The following RHOBTB1 variants were observed in gnomAD, a reference collection of about 807,000 sequenced individuals.
The protein encoded by RHOBTB1 is Rho related BTB domain containing 1, also known as rho-related BTB domain-containing protein 1.
RHOBTB1 carries 40 observed loss-of-function variants against 71.6 expected under a neutral mutation model. That is an observed-to-expected ratio of 0.56 (90% CI 0.43 to 0.73). RHOBTB1 has a LOEUF of 0.73. RHOBTB1 is among the 30% of genes least tolerant of loss of function. RHOBTB1 has a pLI of 0.00. For synonymous variants in RHOBTB1, 319 were observed against 334.9 expected (o/e 0.95, Z 0.52); for missense variants, 797 against 894.0 (o/e 0.89, Z 1.38).
rs186627057 is a variant in RHOBTB1, at chr10:60,882,736, G to T, written c.1575+3376C>A. Among the ~76,000 whole-genome samples, 227 of 152,216 alleles carry T rather than the reference G, an allele frequency of 1.5e-3. 4 individuals carry two copies. The highest frequency in any genetic ancestry group is 5.1e-3 in the African/African-American group (213 of 41,544). On this transcript the variant is annotated intron_variant, in intron 7 of 10. Coordinates refer to ENST00000337910, the MANE Select transcript of RHOBTB1 (RefSeq NM_014836.5). Reference sequence around the variant, plus strand: ...AACATGGACCTATGTTAATCATGGAGCATTAACTGAGTGCCTTTCCCCTAC... The same window carrying T: ...AACATGGACCTATGTTAATCATGGATCATTAACTGAGTGCCTTTCCCCTAC...
At chr10:60,878,546 A>G (rs144460027) in intron 7 of RHOBTB1, among the ~76,000 whole-genome samples, 3 of 152,358 alleles carry the variant, frequency 2.0e-5, no homozygotes, top group Non-Finnish European at 4.4e-5. Flanking sequence ...TTCTGTCAGT[A>G]TATGCACAAT....
intron 4 of RHOBTB1, among the ~76,000 whole-genome samples, chr10:60,907,383 G>A (rs142229647): frequency 2.2e-4 from 34 of 152,280 alleles, no homozygotes; most frequent in Admixed American, 1.5e-3. Flanking sequence ...AAGAAGAGGC[G>A]CTTTCCTTGC....
At chr10:60,932,657 C>G (rs1347578008) in intron 2 of RHOBTB1, among the ~76,000 whole-genome samples, 6 of 151,736 alleles carry the variant, frequency 4.0e-5, no homozygotes, top group Non-Finnish European at 5.9e-5. Flanking sequence ...TTGGTCAAGT[C>G]TTTAGAGATG....
intron 4 of RHOBTB1, among the ~76,000 whole-genome samples, chr10:60,895,732 T>C (rs2082133372): frequency 6.6e-6 from 1 of 152,274 alleles, no homozygotes. Context: ...ATCACAATGC[T>C]TAAATGTCTT....
chr10:60,985,635 A>G (rs2134868343), intron 2 of RHOBTB1, among the ~76,000 whole-genome samples: 1 of 152,342 alleles, frequency 6.6e-6, no homozygotes. Context: ...CAAATTCTAA[A>G]CCAGATAAAA....
At chr10:60,958,209 A>C (rs1334336273) in intron 2 of RHOBTB1, among the ~76,000 whole-genome samples, 4 of 152,198 alleles carry the variant, frequency 2.6e-5, no homozygotes, top group African/African-American at 9.6e-5. Flanking sequence ...ATAAGGTTGA[A>C]GCCTGAAAAA....
At chr10:60,963,258 T>C (rs2085847406) in intron 2 of RHOBTB1, among the ~76,000 whole-genome samples, 1 of 152,144 alleles carries the variant, frequency 6.6e-6, no homozygotes, top group African/African-American at 2.4e-5. Context: ...ATTGACTGAA[T>C]TATAATTTTG....
intron 2 of RHOBTB1, among the ~76,000 whole-genome samples, chr10:60,925,948 T>A (rs2083855255): frequency 6.6e-6 from 1 of 152,030 alleles, no homozygotes; most frequent in African/African-American, 2.4e-5. Flanking sequence ...GGCCAGGACA[T>A]AGTTGGGCGT....
At chr10:60,878,906 A>T in intron 7 of RHOBTB1, among the ~76,000 whole-genome samples, 1 of 152,244 alleles carries the variant, frequency 6.6e-6, no homozygotes, top group Non-Finnish European at 1.5e-5. Flanking sequence ...TCCATGAGAC[A>T]GGCCCTGGAG....
At chr10:60,919,075 T>C (rs2133660639) in intron 2 of RHOBTB1, among the ~76,000 whole-genome samples, 1 of 152,326 alleles carries the variant, frequency 6.6e-6, no homozygotes, top group African/African-American at 2.4e-5. Context: ...CAAGGCATGG[T>C]GAGCAGTCTG....
intron 2 of RHOBTB1, among the ~76,000 whole-genome samples, chr10:60,928,319 T>C (rs747808434): frequency 2.9e-4 from 35 of 122,030 alleles, no homozygotes; most frequent in Middle Eastern, 4.2e-3. Flanking sequence ...CTGATGGGTA[T>C]ATATCCAAAA....
At chr10:60,898,771 C>T (rs549202860) in intron 4 of RHOBTB1, among the ~76,000 whole-genome samples, 75 of 152,298 alleles carry the variant, frequency 4.9e-4, no homozygotes, top group Middle Eastern at 6.8e-3. Flanking sequence ...GCTTGTGCAA[C>T]TATTTTTTTC....
intron 2 of RHOBTB1, among the ~76,000 whole-genome samples, chr10:60,964,686 C>T (rs990863014): frequency 2.6e-5 from 4 of 152,026 alleles, no homozygotes; most frequent in African/African-American, 7.2e-5. Context: ...ATTTTCAATG[C>T]CCCAGAAACC....
intron 2 of RHOBTB1, among the ~76,000 whole-genome samples, chr10:60,967,621 G>A (rs183067071): frequency 1.3e-5 from 2 of 152,170 alleles, no homozygotes; most frequent in East Asian, 3.9e-4. Context: ...GAAGGGAAAC[G>A]ATAGACTACT....
upstream of RHOBTB1, among the ~76,000 whole-genome samples, chr10:60,948,553 C>T (rs908297824): frequency 3.3e-5 from 5 of 152,180 alleles, no homozygotes; most frequent in East Asian, 1.9e-4. Flanking sequence ...TTCATGCTGT[C>T]CATCTCTCTG....
intron 1 of RHOBTB1, among the ~76,000 whole-genome samples, chr10:60,942,248 T>C (rs1021600325): frequency 2.6e-5 from 4 of 152,242 alleles, no homozygotes; most frequent in Non-Finnish European, 5.9e-5. Context: ...ATAATCATAA[T>C]TAAAAGACCA....
At chr10:60,984,400 C>A (rs1197671094) in intron 2 of RHOBTB1, among the ~76,000 whole-genome samples, 1 of 152,084 alleles carries the variant, frequency 6.6e-6, no homozygotes, top group East Asian at 1.9e-4. Context: ...TATGACTATT[C>A]TGAATGTTCC....
chr10:60,905,571 A>C (rs755002518), intron 4 of RHOBTB1, among the ~76,000 whole-genome samples: 12 of 148,532 alleles, frequency 8.1e-5, no homozygotes, highest in Non-Finnish European at 1.6e-4. Context: ...CTGAGGCAGA[A>C]GGGAAAAAAA....
chr10:60,911,139 C>A, intron 3 of RHOBTB1, 149 bp from the exon 4 acceptor site: 1 of 756,194 alleles, frequency 1.3e-6, no homozygotes, highest in Admixed American at 2.4e-5. Flanking sequence ...AGTCTTAATT[C>A]CCTTCCTGGA....
Sources: allele counts gnomAD v4.1 joint callset (sites outside exome capture counted in the v4.1 genomes callset), GRCh38; gene constraint gnomAD v4.1.1; transcripts MANE v1.5; gene names NCBI Gene and HGNC (gene_info 2026-07-23, HGNC 2026-07-21).